The following MYH13 variants were observed in gnomAD, a reference collection of about 807,000 sequenced individuals.
MYH13 encodes myosin heavy chain 13, also known as myosin-13.
Under a neutral mutation model 232.1 loss-of-function variants are expected in MYH13, and 177 were observed. The ratio of observed to expected loss-of-function variants is 0.76; its 90% CI spans 0.67 to 0.86. MYH13 has a LOEUF of 0.86. MYH13 is among the 40% of genes least tolerant of loss of function. MYH13 has a pLI of 0.00. For synonymous variants in MYH13, 884 were observed against 923.5 expected, an observed-to-expected ratio of 0.96 and a Z score of 0.78; for missense variants, 2,246 against 2,405.9, an observed-to-expected ratio of 0.93 and a Z score of 1.39.
chr17:10,370,559 C>T (rs530456186), intron 2 of MYH13, among the ~76,000 whole-genome samples: 10 of 152,256 alleles, frequency 6.6e-5, no homozygotes, highest in East Asian at 3.9e-4. Flanking sequence ...ATCTCCATCA[C>T]CCACTTGTGA....
chr17:10,328,759 C>T (rs1235188936), intron 21 of MYH13, among the ~76,000 whole-genome samples: 1 of 150,252 alleles, frequency 6.7e-6, no homozygotes, highest in Non-Finnish European at 1.5e-5. Context: ...CTCACTGCAA[C>T]CTCCGCCTCC....
intron 18 of MYH13, among the ~76,000 whole-genome samples, chr17:10,336,027 G>A (rs1307275660): frequency 2.0e-5 from 3 of 152,162 alleles, no homozygotes; most frequent in African/African-American, 7.2e-5. Context: ...TGGACTGGGA[G>A]ATCTTTTCTA....
At chr17:10,319,262 G>A (rs886607903) in intron 26 of MYH13, 83 bp from the exon 27 acceptor site, 14 of 1,467,748 alleles carry the variant, frequency 9.5e-6, no homozygotes, top group African/African-American at 5.6e-5. Context: ...GAGGAATTGC[G>A]GGTAGGCAGC....
rs1269420865 is a variant in MYH13 at position 10,340,219 on chromosome 17, T to C, written c.1987A>G (p.Met663Val). 2 of 1,614,028 alleles carry C rather than the reference T, an allele frequency of 1.2e-6. No homozygotes were observed. Among genetic ancestry groups the C allele is most frequent in the Non-Finnish European group, 1.7e-6 (2 of 1,179,910 alleles). ...AVFRENLNKLMTNLRSTHPHF... is the reference protein window; with the variant it reads ...AVFRENLNKLVTNLRSTHPHF... ...GGGTGGGTGCTCCTTAAGTTAGTCATCAATTTGTTTAAATTTTCCTGGGAC... is the reference window on the plus strand; with the variant it reads ...GGGTGGGTGCTCCTTAAGTTAGTCACCAATTTGTTTAAATTTTCCTGGGAC... The change falls in exon 18 of 41, where the codon ATG (methionine) becomes GTG (valine). Residue 663 changes from methionine to valine, a missense_variant. Transcript: ENST00000252172.
At chr17:10,309,179 G>A in intron 35 of MYH13, 55 bp downstream of exon 35, 1 of 1,548,614 alleles carries the variant, frequency 6.5e-7, no homozygotes, top group Non-Finnish European at 8.8e-7. Flanking sequence ...CACGGTGCAG[G>A]AGGCGCTATC....
intron 2 of MYH13, among the ~76,000 whole-genome samples, chr17:10,366,450 G>C (rs1482788233): frequency 7.2e-6 from 1 of 139,040 alleles, no homozygotes; most frequent in Admixed American, 7.8e-5. Context: ...GCACAATCTC[G>C]GTTCACTGCA....
At chr17:10,355,995 C>A (rs1049480024) in intron 8 of MYH13, among the ~76,000 whole-genome samples, 6 of 152,026 alleles carry the variant, frequency 3.9e-5, no homozygotes, top group African/African-American at 1.4e-4. Context: ...GCCAAAAGAA[C>A]AACTCAGGGT....
chr17:10,327,952 G>A lies in MYH13; in HGVS notation c.2605C>T (p.Arg869Ter), dbSNP rs199540562. ...DFERTKEELARSEARRKELEE... is the reference protein window; with the variant it reads ...DFERTKEELA ...AGCTCCTTCCGGCGAGCCTCAGATC[G>A]GGCCAGTTCTTCCTTGGTCCTCTCA... Residue 869 changes from arginine (R) to a stop codon, truncating the protein, a stop_gained, in exon 22 of 41, where the codon CGA becomes TGA. Coordinates refer to ENST00000252172, the MANE Select transcript of MYH13 (RefSeq NM_003802.3). LOFTEE classifies it high-confidence loss of function. The A allele has an allele frequency of 1.4e-4, 233 of 1,613,902 alleles. No homozygotes were observed. In the African/African-American group the frequency reaches 2.9e-3, roughly 20 times the overall value.
chr17:10,319,188 A>T lies in MYH13; in HGVS notation c.3349-9T>A, dbSNP rs370684457. ...AGCTCTTCTATGCGGGCCTGAAAGG[A>T]TTACTCTATCAGGAATGTTATTGTG... On this transcript the variant is annotated splice_polypyrimidine_tract_variant and intron_variant, in intron 26 of 40. Coordinates refer to ENST00000252172, the MANE Select transcript of MYH13 (RefSeq NM_003802.3). 1.2e-6 allele frequency: 2 copies of T among 1,610,606 alleles called. No homozygotes were observed. Among genetic ancestry groups the T allele is most frequent in the African/African-American group, 2.7e-5 (2 of 74,688 alleles).
rs903812464 is a variant in MYH13, at chr17:10,353,829, T to C, written c.1005+851A>G. On this transcript the variant is annotated intron_variant, in intron 11 of 40. Transcript: ENST00000252172. The stretch of plus-strand genomic sequence containing the variant: ...CGGAGGTTGCCGTGAGCTGAGATCA[T>C]GCCATTGCACTCCAGCCTGGGCGAC... Among the ~76,000 whole-genome samples the C allele has an allele frequency of 3.3e-5, 5 of 151,506 alleles. No homozygotes were observed. In the East Asian group the frequency reaches 5.9e-4, roughly 18 times the overall value.
intron 20 of MYH13, 78 bp from the exon 21 acceptor site, chr17:10,330,601 G>A (rs1390758923): frequency 6.6e-7 from 1 of 1,523,774 alleles, no homozygotes; most frequent in Non-Finnish European, 8.8e-7. Flanking sequence ...GCCTGTTTCT[G>A]CTCAACTCTG....
chr17:10,313,370 G>A lies in MYH13; in HGVS notation c.3985-16C>T. On this transcript the variant is annotated splice_polypyrimidine_tract_variant and intron_variant, in intron 29 of 40. Coordinates refer to ENST00000252172, the MANE Select transcript of MYH13 (RefSeq NM_003802.3). ...CGTTCTTGGCCTGGGAATGACAGCG[G>A]TGACAAATTGCAAAAACATTTGACC... The A allele has an allele frequency of 6.2e-7, 1 of 1,614,136 alleles. No individual in the cohort carries two copies. Among genetic ancestry groups the A allele is most frequent in the East Asian group, 2.2e-5 (1 of 44,886 alleles).
At chr17:10,349,597 GCCC>G (rs918180209) in intron 12 of MYH13, among the ~76,000 whole-genome samples, 21 of 152,000 alleles carry the variant, frequency 1.4e-4, no homozygotes, top group African/African-American at 4.3e-4. Context: ...CCCAAGGTGT[GCCC>G]CCTGGTGTAC....
chr17:10,316,673 C>T (rs1233300466), intron 27 of MYH13, among the ~76,000 whole-genome samples: 1 of 152,134 alleles, frequency 6.6e-6, no homozygotes, highest in Non-Finnish European at 1.5e-5. Context: ...GCAATATATT[C>T]AGATGACAGT....
intron 5 of MYH13, among the ~76,000 whole-genome samples, chr17:10,360,867 A>G (rs151026764): frequency 2.7e-3 from 417 of 152,302 alleles, no homozygotes; most frequent in African/African-American, 9.4e-3. Flanking sequence ...AGAATGCCAT[A>G]TGAAGATTAA....
chr17:10,345,173 A>C (rs2071652563), intron 15 of MYH13, 29 bp downstream of exon 15: 1 of 1,613,882 alleles, frequency 6.2e-7, no homozygotes, highest in South Asian at 1.1e-5. Flanking sequence ...AATAAGGAGG[A>C]GCTGTCCCAG....
intron 23 of MYH13, 45 bp downstream of exon 23, chr17:10,323,977 G>A (rs1385458220): frequency 1.2e-6 from 2 of 1,604,928 alleles, no homozygotes; most frequent in Non-Finnish European, 8.5e-7. Context: ...GAGAGAGAGA[G>A]TGAAGCCTGT....
At chr17:10,359,905 C>T (rs561697558) in intron 7 of MYH13, 55 bp downstream of exon 7, 282 of 1,501,912 alleles carry the variant, frequency 1.9e-4, no homozygotes, top group Admixed American at 2.0e-4. Context: ...TGCTCATCCA[C>T]GCTTTAAAGT....
Position 10,313,312 on chromosome 17 carries a change from C to A in MYH13, c.4027G>T (p.Asp1343Tyr), listed in dbSNP as rs776054661. 3.7e-6 allele frequency: 6 copies of A among 1,614,246 alleles called. No homozygotes were observed. The East Asian group carries it at 1.1e-4, about 30-fold the overall frequency. ...MAHALQSSRH[D>Y]CDLLREQYEE... is the part of the protein sequence containing the mutation. ...TACTGTTCCCGCAGCAGGTCACAGTCGTGGCGGGAGGACTGCAGGGCGTGC... is the reference window on the plus strand; with the variant it reads ...TACTGTTCCCGCAGCAGGTCACAGTAGTGGCGGGAGGACTGCAGGGCGTGC... Residue 1343 changes from aspartate to tyrosine, a missense_variant, in exon 30 of 41, where the codon GAC becomes TAC. Coordinates refer to ENST00000252172, the MANE Select transcript of MYH13 (RefSeq NM_003802.3).
Sources: gnomAD v4.1 joint callset for allele counts (sites outside exome capture counted in the v4.1 genomes callset) on GRCh38, gnomAD v4.1.1 for gene constraint, MANE v1.5 for transcripts, NCBI Gene and HGNC (gene_info 2026-07-23, HGNC 2026-07-21) for gene names.